Variants in FAM135B observed in about 807,000 individuals in gnomAD.
FAM135B encodes family with sequence similarity 135 member B.
In FAM135B, 43 loss-of-function variants were observed where a neutral mutation model predicts 127.7. The observed-to-expected ratio is 0.34, with a 90% CI of 0.26 to 0.43. The LOEUF (loss-of-function observed/expected upper bound fraction) is 0.43. Among genes scored for constraint, FAM135B ranks in the 20% least tolerant of loss-of-function variants. The pLI is 1.00. For synonymous variants in FAM135B, 670 were observed against 665.1 expected (o/e 1.01, Z -0.11); for missense variants, 1,558 against 1,725.6 (o/e 0.90, Z 1.72).
chr8:138,395,262 G>A (rs1332301518), intron 1 of FAM135B, among the ~76,000 whole-genome samples: 1 of 152,128 alleles, frequency 6.6e-6, no homozygotes, highest in Non-Finnish European at 1.5e-5. Flanking sequence ...CCCCTCCACA[G>A]TCTCTGGGTC....
intron 3 of FAM135B, among the ~76,000 whole-genome samples, chr8:138,269,137 G>T (rs1467920085): frequency 6.6e-6 from 1 of 152,120 alleles, no homozygotes; most frequent in Non-Finnish European, 1.5e-5. Flanking sequence ...AGACTTTTAG[G>T]TGCTGTAGTT....
intron 2 of FAM135B, among the ~76,000 whole-genome samples, chr8:138,353,033 T>C (rs193217512): frequency 1.1e-3 from 170 of 152,270 alleles, no homozygotes; most frequent in Middle Eastern, 3.4e-3. Flanking sequence ...TACAATCTGC[T>C]CTTCACACTT....
chr8:138,314,230 A>T (rs972134959), intron 2 of FAM135B, among the ~76,000 whole-genome samples: 6 of 152,204 alleles, frequency 3.9e-5, no homozygotes, highest in African/African-American at 1.4e-4. Flanking sequence ...ATAAAACAAG[A>T]TTATTTATTG....
intron 3 of FAM135B, among the ~76,000 whole-genome samples, chr8:138,293,597 A>T (rs1323839124): frequency 6.6e-6 from 1 of 152,178 alleles, no homozygotes; most frequent in Non-Finnish European, 1.5e-5. Flanking sequence ...ACACGAATAG[A>T]CATTTCTCAA....
intron 2 of FAM135B, among the ~76,000 whole-genome samples, chr8:138,338,307 T>G (rs1828768840): frequency 6.6e-6 from 1 of 151,292 alleles, no homozygotes; most frequent in African/African-American, 2.4e-5. Context: ...GAAACTACCA[T>G]CAGAGTGAAC....
At chr8:138,211,698 G>C (rs150619581) in intron 7 of FAM135B, among the ~76,000 whole-genome samples, 1 of 152,148 alleles carries the variant, frequency 6.6e-6, no homozygotes, top group East Asian at 1.9e-4. Context: ...TGAATGCTGT[G>C]AACACCTTCT....
At position 138,242,966 on chromosome 8, in the gene FAM135B, C is replaced by T. The variant is rs2130382572; in HGVS notation, c.645G>A (p.Gly215=). Residue 215 remains glycine (G), a synonymous_variant, in exon 7 of 20, where the codon GGG becomes GGA. Coordinates refer to ENST00000395297, the MANE Select transcript of FAM135B (RefSeq NM_015912.4). This position sits in a 1 kb window ranked among gnomAD's most constrained non-coding sequence, Gnocchi z 9.6. ...ISLENLVFGA[G]YCKPTSSEGS... ...CCTCTGAGGAAGTCGGCTTGCAGTA[C>T]CCAGCTCCAAAGACCAAGTTTTCCA... 1 of 1,613,856 alleles carries T rather than the reference C, an allele frequency of 6.2e-7. No individual in the cohort carries two copies. The highest frequency in any genetic ancestry group is 8.5e-7 in the Non-Finnish European group (1 of 1,179,872).
At chr8:138,271,915 T>C (rs991774391) in intron 3 of FAM135B, among the ~76,000 whole-genome samples, 1 of 152,176 alleles carries the variant, frequency 6.6e-6, no homozygotes, top group Non-Finnish European at 1.5e-5. Flanking sequence ...TGAGTTTTCA[T>C]TTTATTCATG....
intron 2 of FAM135B, among the ~76,000 whole-genome samples, chr8:138,323,090 C>T (rs940765077): frequency 5.3e-5 from 8 of 152,154 alleles, no homozygotes; most frequent in African/African-American, 1.7e-4. Flanking sequence ...AAGGAAAGTC[C>T]ACTCCAATAT....
intron 1 of FAM135B, among the ~76,000 whole-genome samples, chr8:138,479,036 G>T (rs773668397): frequency 1.3e-5 from 2 of 152,146 alleles, no homozygotes; most frequent in Non-Finnish European, 2.9e-5. Flanking sequence ...TCTTAGAACA[G>T]CTGGCAAAAC....
At chr8:138,206,134 C>A (rs1817542347) in intron 7 of FAM135B, among the ~76,000 whole-genome samples, 1 of 143,530 alleles carries the variant, frequency 7.0e-6, no homozygotes, top group Non-Finnish European at 1.5e-5. Context: ...AGGCCAGCAG[C>A]ACCTCCACCC....
chr8:138,378,028 C>T (rs1341238795), intron 1 of FAM135B, among the ~76,000 whole-genome samples: 1 of 152,214 alleles, frequency 6.6e-6, no homozygotes, highest in Non-Finnish European at 1.5e-5. Context: ...AGCATCTCAT[C>T]CACATTTGAC....
chr8:138,167,299 G>C (rs7011598), intron 12 of FAM135B, among the ~76,000 whole-genome samples: 1 of 152,088 alleles, frequency 6.6e-6, no homozygotes, highest in Non-Finnish European at 1.5e-5. Flanking sequence ...GGGATCAAGC[G>C]ATCCTCCTGC....
At chr8:138,161,742 C>A (rs1164392386) in intron 12 of FAM135B, among the ~76,000 whole-genome samples, 1 of 152,194 alleles carries the variant, frequency 6.6e-6, no homozygotes, top group African/African-American at 2.4e-5. Context: ...AAACTGTGAA[C>A]AAACTTGCCT....
At chr8:138,483,989 T>C (rs890608999) in intron 1 of FAM135B, among the ~76,000 whole-genome samples, 8 of 152,206 alleles carry the variant, frequency 5.3e-5, no homozygotes, top group African/African-American at 1.9e-4. Context: ...GCAATTTTAG[T>C]AAATGCTCCT....
chr8:138,360,260 G>T (rs1175107488), intron 2 of FAM135B, among the ~76,000 whole-genome samples: 1 of 152,158 alleles, frequency 6.6e-6, no homozygotes, highest in African/African-American at 2.4e-5. Context: ...TAGAAATGCA[G>T]GTTCATGCTC....
In FAM135B at chr8:138,332,806, G is replaced by A. The variant is rs937908244; in HGVS notation, c.78-21886C>T. On this transcript the variant is annotated intron_variant, in intron 2 of 19. Coordinates refer to ENST00000395297, the MANE Select transcript of FAM135B (RefSeq NM_015912.4). ...GAAAGTTGTTGAGTTACACCCAAAC[G>A]AAACAGCTGGCGGCGCTTTCTCAAC... Among the ~76,000 whole-genome samples the A allele has an allele frequency of 4.6e-5, 7 of 152,220 alleles. No homozygotes were observed. In the East Asian group the frequency reaches 7.8e-4, roughly 17 times the overall value.
At chr8:138,355,263 T>C (rs1354189898) in intron 2 of FAM135B, among the ~76,000 whole-genome samples, 1 of 152,156 alleles carries the variant, frequency 6.6e-6, no homozygotes, top group Non-Finnish European at 1.5e-5. Flanking sequence ...TAAAGACACA[T>C]GCACACCTAT....
intron 3 of FAM135B, among the ~76,000 whole-genome samples, chr8:138,289,536 C>T (rs1228667569): frequency 2.0e-5 from 3 of 152,204 alleles, no homozygotes; most frequent in Non-Finnish European, 4.4e-5. Context: ...CCAGGAGACC[C>T]GCTTAGCGCA....
Sources: gnomAD v4.1 joint callset for allele counts (sites outside exome capture counted in the v4.1 genomes callset) on GRCh38, gnomAD v4.1.1 for gene constraint, Gnocchi (gnomAD v3.1) non-coding constraint, MANE v1.5 for transcripts, NCBI Gene and HGNC (gene_info 2026-07-23, HGNC 2026-07-21) for gene names.